Variants in RHBDL2 observed in about 807,000 individuals in gnomAD.
The protein encoded by RHBDL2 is rhomboid like 2, also known as rhomboid-related protein 2.
In RHBDL2, 26 loss-of-function variants were observed where a neutral mutation model predicts 31.7. That is an observed-to-expected ratio of 0.82 (90% confidence interval 0.60 to 1.14). RHBDL2 has a LOEUF of 1.14. RHBDL2 is among the 50% of genes most tolerant of loss of function. The pLI is 0.00. For missense variants in RHBDL2, 336 were observed against 364.4 expected (o/e 0.92, Z 0.63); for synonymous variants, 123 against 127.2 (o/e 0.97, Z 0.22).
At chr1:38,924,756 A>G (rs1437425562) in intron 1 of RHBDL2, among the ~76,000 whole-genome samples, 1 of 149,852 alleles carries the variant, frequency 6.7e-6, no homozygotes, top group Admixed American at 6.6e-5. Context: ...TAAAAAAAAA[A>G]TCTGTTGAAA....
chr1:38,918,036 T>C (rs1557618579), intron 2 of RHBDL2, among the ~76,000 whole-genome samples: 1 of 152,194 alleles, frequency 6.6e-6, no homozygotes, highest in Non-Finnish European at 1.5e-5. Context: ...AACTCTACCT[T>C]TGGACTTGAA....
intron 1 of RHBDL2, among the ~76,000 whole-genome samples, chr1:38,934,208 C>T (rs754864585): frequency 2.0e-5 from 3 of 151,800 alleles, no homozygotes; most frequent in Non-Finnish European, 4.4e-5. Context: ...ATTAGCCAGG[C>T]GTTATGGCGG....
At chr1:38,898,199 G>C (rs940906575) in intron 4 of RHBDL2, among the ~76,000 whole-genome samples, 7 of 152,272 alleles carry the variant, frequency 4.6e-5, no homozygotes, top group Admixed American at 1.3e-4. Context: ...AACTACTGGG[G>C]AGTCTGAGGC....
intron 4 of RHBDL2, among the ~76,000 whole-genome samples, chr1:38,897,022 G>C (rs1176805415): frequency 2.0e-5 from 3 of 152,000 alleles, no homozygotes; most frequent in African/African-American, 4.8e-5. Context: ...ACTTAGGAAG[G>C]AGTGATTTTC....
intron 1 of RHBDL2, among the ~76,000 whole-genome samples, chr1:38,925,263 C>T (rs531621156): frequency 2.0e-5 from 3 of 151,776 alleles, no homozygotes; most frequent in South Asian, 2.1e-4. Context: ...TTTGAGAGGC[C>T]GAGGCAGGCA....
intron 1 of RHBDL2, among the ~76,000 whole-genome samples, chr1:38,936,885 C>T (rs1417548167): frequency 1.5e-4 from 23 of 152,198 alleles, no homozygotes; most frequent in East Asian, 1.2e-3. Flanking sequence ...CCACCCAACT[C>T]GGCCTCCCAA....
Position 38,886,664 on chromosome 1 carries a change from A to G in RHBDL2, c.752T>C (p.Ile251Thr), listed in dbSNP as rs1557605941. Residue 251 changes from isoleucine (I) to threonine (T), a missense_variant, in exon 8 of 8, where the codon ATT becomes ACT. Ile to Thr is a moderately conservative substitution (Grantham distance 89). Transcript: ENST00000372990. ...GGACATTCCAGCAAATCCACCTGCA[A>G]TGTGAGCTGCAAAAGACACCTTGGG... Reference protein sequence around the residue: ...DGSPVSFAAHIAGGFAGMSIG... With the variant: ...DGSPVSFAAHTAGGFAGMSIG... 6.4e-7 allele frequency: 1 copy of G among 1,563,480 alleles called. No homozygotes were observed. The highest frequency in any genetic ancestry group is 1.4e-5 in the African/African-American group (1 of 73,702).
rs1159480593 is a variant in RHBDL2, at chr1:38,929,579, C to T, written c.-125-10242G>A. 3.1e-6 allele frequency: 4 copies of T among 1,285,574 alleles called. No homozygotes were observed. The African/African-American group carries it at 6.1e-5, about 20-fold the overall frequency. 79.6% of individuals were successfully genotyped at this position (1,285,574 alleles called of 1,614,324 possible). A position where few individuals can be genotyped will look rare whatever the true frequency, so the allele number is the denominator to read the frequency against. On this transcript the variant is annotated intron_variant, in intron 1 of 7. Coordinates refer to ENST00000372990, the MANE Select transcript of RHBDL2 (RefSeq NM_017821.5). ...GCTGGCCCCACCCATTCATTGGTACCAGGCAGGCCCCTGCCGGGGCTGAGA... is the reference window on the plus strand; with the variant it reads ...GCTGGCCCCACCCATTCATTGGTACTAGGCAGGCCCCTGCCGGGGCTGAGA...
intron 1 of RHBDL2, among the ~76,000 whole-genome samples, chr1:38,938,967 T>C (rs983220753): frequency 7.2e-5 from 11 of 152,202 alleles, no homozygotes; most frequent in South Asian, 2.1e-4. Flanking sequence ...AAAGAATTCA[T>C]TGAAAATTTT....
At chr1:38,894,958 G>T (rs1286131045) in intron 5 of RHBDL2, among the ~76,000 whole-genome samples, 3 of 152,044 alleles carry the variant, frequency 2.0e-5, no homozygotes, top group African/African-American at 4.8e-5. Flanking sequence ...ACTCACCTTG[G>T]CCTCCCACAG....
intron 3 of RHBDL2, 45 bp downstream of exon 3, chr1:38,915,517 G>A: frequency 1.3e-6 from 2 of 1,591,424 alleles, no homozygotes; most frequent in Non-Finnish European, 1.7e-6. Flanking sequence ...AGGTTACAAT[G>A]ATATAATCAC....
intron 7 of RHBDL2, 135 bp downstream of exon 7, chr1:38,887,828 G>C: frequency 3.2e-6 from 2 of 623,892 alleles, no homozygotes; most frequent in South Asian, 4.1e-5. Context: ...TCAAAAGTCT[G>C]ATTTCCTTAA....
intron 1 of RHBDL2, among the ~76,000 whole-genome samples, chr1:38,921,941 T>C (rs986716834): frequency 2.0e-5 from 3 of 152,196 alleles, no homozygotes; most frequent in Non-Finnish European, 2.9e-5. Context: ...CTAAATATCA[T>C]ACATAATCAT....
chr1:38,892,104 C>A (rs1642862137), intron 6 of RHBDL2, among the ~76,000 whole-genome samples: 1 of 152,180 alleles, frequency 6.6e-6, no homozygotes, highest in Admixed American at 6.6e-5. Flanking sequence ...GCATGTGATT[C>A]TAGAATGCTT....
chr1:38,916,300 A>T (rs77233127), intron 2 of RHBDL2, among the ~76,000 whole-genome samples: 1,792 of 152,278 alleles, frequency 0.012, 51 homozygotes, highest in African/African-American at 0.041. Context: ...TCACGAGAAA[A>T]GCATCAGTCA....
intron 1 of RHBDL2, among the ~76,000 whole-genome samples, chr1:38,936,990 C>G (rs1643518062): frequency 6.6e-6 from 1 of 150,890 alleles, no homozygotes; most frequent in African/African-American, 2.4e-5. Context: ...CCCTGTCACC[C>G]AGGCTGGAGT....
At chr1:38,918,016 C>T (rs1643261456) in intron 2 of RHBDL2, among the ~76,000 whole-genome samples, 1 of 152,188 alleles carries the variant, frequency 6.6e-6, no homozygotes, top group African/African-American at 2.4e-5. Flanking sequence ...AAAGGGAATT[C>T]TGCCAGCAGA....
At chr1:38,926,334 A>G in intron 1 of RHBDL2, 1 of 335,316 alleles carries the variant, frequency 3.0e-6, no homozygotes, top group Non-Finnish European at 4.3e-6. Flanking sequence ...CTGGGCGTTC[A>G]GCAGCAGCAG....
chr1:38,933,846 A>T (rs1298164949), intron 1 of RHBDL2, among the ~76,000 whole-genome samples: 1 of 151,178 alleles, frequency 6.6e-6, no homozygotes, highest in Non-Finnish European at 1.5e-5. Context: ...CTCCTGCCTT[A>T]GCCTCCCAAG....
Sources: gnomAD v4.1 joint callset for allele counts (sites outside exome capture counted in the v4.1 genomes callset) on GRCh38, gnomAD v4.1.1 for gene constraint, MANE v1.5 for transcripts, NCBI Gene and HGNC (gene_info 2026-07-23, HGNC 2026-07-21) for gene names.